Variants in PTPRN2 observed in about 807,000 individuals in gnomAD.
PTPRN2 encodes receptor-type tyrosine-protein phosphatase N2.
In PTPRN2, 74 loss-of-function variants were observed where a neutral mutation model predicts 118.8. The ratio of observed to expected loss-of-function variants is 0.62; its 90% CI spans 0.52 to 0.76. PTPRN2 has a LOEUF of 0.76. Ranked by LOEUF, PTPRN2 falls within the 30% of genes least tolerant of loss-of-function variation. The probability of loss-of-function intolerance (pLI) is 0.00; values close to 1 mark genes in which losing one functional copy is unlikely to be tolerated. For missense variants in PTPRN2, 1,481 were observed against 1,394.4 expected (o/e 1.06, Z -0.99); for synonymous variants, 641 against 608.0 (o/e 1.05, Z -0.80).
intron 2 of PTPRN2, among the ~76,000 whole-genome samples, chr7:158,340,578 G>T (rs1265339633): frequency 1.7e-5 from 2 of 117,704 alleles, no homozygotes; most frequent in East Asian, 5.3e-4. Context: ...CTCACCATAA[G>T]AGCCGACGCC....
intron 12 of PTPRN2, among the ~76,000 whole-genome samples, chr7:157,771,662 GAC>G (rs1393208331): frequency 2.6e-5 from 4 of 152,008 alleles, no homozygotes; most frequent in African/African-American, 9.7e-5. Flanking sequence ...CACAGTCAGA[GAC>G]ACACAAACAC....
intron 2 of PTPRN2, among the ~76,000 whole-genome samples, chr7:158,358,011 CTT>C (rs1163337160): frequency 1.3e-5 from 2 of 152,254 alleles, no homozygotes; most frequent in African/African-American, 4.8e-5. Flanking sequence ...CTGTCTCTCT[CTT>C]TTTCTCTCTC....
chr7:158,221,935 T>C (rs1044550869), intron 3 of PTPRN2, among the ~76,000 whole-genome samples: 1 of 152,124 alleles, frequency 6.6e-6, no homozygotes, highest in Non-Finnish European at 1.5e-5. Context: ...AGACACTTCT[T>C]AAAAGAAGAC....
intron 12 of PTPRN2, among the ~76,000 whole-genome samples, chr7:157,725,696 G>A (rs1439007878): frequency 6.9e-5 from 7 of 102,172 alleles, no homozygotes; most frequent in Admixed American, 2.8e-4. Flanking sequence ...CCTCCCAGGA[G>A]AACTGGATAT....
chr7:158,057,674 C>T (rs144319681), intron 11 of PTPRN2, among the ~76,000 whole-genome samples: 13 of 152,260 alleles, frequency 8.5e-5, no homozygotes, highest in Middle Eastern at 3.4e-3. Context: ...GCCCCACTTC[C>T]TCATGAGGAA....
intron 1 of PTPRN2, among the ~76,000 whole-genome samples, chr7:158,585,178 T>C (rs1036038885): frequency 1.5e-4 from 23 of 152,252 alleles, no homozygotes; most frequent in African/African-American, 5.5e-4. Flanking sequence ...CCGGCACAGG[T>C]AAGAAAGCTT....
intron 12 of PTPRN2, among the ~76,000 whole-genome samples, chr7:157,767,986 A>C (rs1274072777): frequency 6.6e-6 from 1 of 152,240 alleles, no homozygotes; most frequent in South Asian, 2.1e-4. Context: ...ATTCCTGCTT[A>C]TTGCTGACAC....
chr7:158,357,333 G>A (rs554987723), intron 2 of PTPRN2, among the ~76,000 whole-genome samples: 1 of 152,242 alleles, frequency 6.6e-6, no homozygotes, highest in Non-Finnish European at 1.5e-5. Flanking sequence ...CCAGGCTGTC[G>A]TTGACGCCCT....
intron 3 of PTPRN2, among the ~76,000 whole-genome samples, chr7:158,294,868 C>T (rs1024033216): frequency 4.7e-5 from 7 of 149,058 alleles, no homozygotes; most frequent in Non-Finnish European, 8.9e-5. Context: ...TTCTGAGGGT[C>T]TAAGCCCATG....
intron 3 of PTPRN2, among the ~76,000 whole-genome samples, chr7:158,264,948 G>T (rs1186080864): frequency 6.6e-6 from 1 of 151,956 alleles, no homozygotes; most frequent in African/African-American, 2.4e-5. Context: ...AGAGCCCCCT[G>T]ACCCTCACCT....
At chr7:158,192,558 C>A (rs768917691) in intron 4 of PTPRN2, 63 bp from the exon 5 acceptor site, 5 of 1,507,336 alleles carry the variant, frequency 3.3e-6, no homozygotes, top group Non-Finnish European at 4.4e-6. Flanking sequence ...GCTGCTCTGT[C>A]CCCTGTGGTG....
At chr7:158,407,193 GGTCCTGGGTCCTGGGTCCTGCGTCCTGC>G (rs1813571695) in intron 2 of PTPRN2, among the ~76,000 whole-genome samples, 4,027 of 27,424 alleles carry the variant, frequency 0.15, 805 homozygotes, top group Non-Finnish European at 0.19. Context: ...CTGGGTCCTG[GGTCCTGGGTCCTGGGTCCTGCGTCCTGC>G]GTCCTGGGTC....
At chr7:158,384,797 G>C (rs1286234478) in intron 2 of PTPRN2, among the ~76,000 whole-genome samples, 1 of 152,138 alleles carries the variant, frequency 6.6e-6, no homozygotes, top group African/African-American at 2.4e-5. Flanking sequence ...GTTACCAAAG[G>C]TACCAAAACT....
chr7:157,671,618 C>T lies in PTPRN2; in HGVS notation c.2001+11107G>A, dbSNP rs1203857143. On this transcript the variant is annotated intron_variant, in intron 13 of 22. Coordinates refer to ENST00000389418, the MANE Select transcript of PTPRN2 (RefSeq NM_002847.5). The surrounding 1 kb of genome is among the most constrained non-coding windows in gnomAD (Gnocchi z 4.1). Reference sequence around the variant, plus strand: ...CAAAAGGTATTCACATCCTTCCATTCGGTGGCCACCACAGCTTAATTAAGC... The same window carrying T: ...CAAAAGGTATTCACATCCTTCCATTTGGTGGCCACCACAGCTTAATTAAGC... Among the ~76,000 whole-genome samples, 4 of 152,120 alleles carry T rather than the reference C, an allele frequency of 2.6e-5. No individual in the cohort carries two copies. The highest frequency in any genetic ancestry group is 7.2e-5 in the African/African-American group (3 of 41,426).
intron 12 of PTPRN2, among the ~76,000 whole-genome samples, chr7:157,847,598 G>A (rs540026514): frequency 1.4e-5 from 2 of 146,038 alleles, no homozygotes; most frequent in African/African-American, 2.6e-5. Flanking sequence ...ATGCGTGCCC[G>A]ATGTCTACAG....
intron 12 of PTPRN2, among the ~76,000 whole-genome samples, chr7:157,851,429 C>T (rs1000136): frequency 0.38 from 57,549 of 152,096 alleles, 12,079 homozygotes; most frequent in East Asian, 0.51. Flanking sequence ...ACCCAACCTA[C>T]GGAGGCCCCT....
At chr7:157,998,817 C>CAAAA (rs1213090372) in intron 11 of PTPRN2, among the ~76,000 whole-genome samples, 3 of 59,178 alleles carry the variant, frequency 5.1e-5, no homozygotes, top group African/African-American at 1.7e-4. Context: ...TACTCCATCT[C>CAAAA]AAAAAAAAAA....
intron 11 of PTPRN2, among the ~76,000 whole-genome samples, chr7:158,065,502 C>G (rs879707178): frequency 2.0e-5 from 3 of 152,216 alleles, no homozygotes; most frequent in Non-Finnish European, 4.4e-5. Flanking sequence ...AGTCTCAGGT[C>G]AGTGCTGAAA....
chr7:158,087,592 G>A (rs932671097), intron 10 of PTPRN2, among the ~76,000 whole-genome samples: 1 of 152,002 alleles, frequency 6.6e-6, no homozygotes, highest in Non-Finnish European at 1.5e-5. Context: ...CCCTGACGAA[G>A]GAGGGAGTCT....
Sources: gnomAD v4.1 joint callset for allele counts (sites outside exome capture counted in the v4.1 genomes callset) on GRCh38, gnomAD v4.1.1 for gene constraint, Gnocchi (gnomAD v3.1) non-coding constraint, MANE v1.5 for transcripts, NCBI Gene and HGNC (gene_info 2026-07-23, HGNC 2026-07-21) for gene names.